Variants in EYA2 observed in about 807,000 individuals in gnomAD.
EYA2 encodes the protein protein phosphatase EYA2.
In EYA2, 31 loss-of-function variants were observed where a neutral mutation model predicts 69.2. The ratio of observed to expected loss-of-function variants is 0.45; its 90% CI spans 0.34 to 0.60. EYA2 has a LOEUF of 0.60. Among genes scored for constraint, EYA2 ranks in the 20% least tolerant of loss-of-function variants. EYA2 has a pLI of 0.02. For synonymous variants in EYA2, 257 were observed against 279.4 expected, an observed-to-expected ratio of 0.92 and a Z score of 0.80; for missense variants, 622 against 701.2, an observed-to-expected ratio of 0.89 and a Z score of 1.28.
intron 4 of EYA2, among the ~76,000 whole-genome samples, chr20:47,014,013 C>T (rs1568724269): frequency 6.6e-6 from 1 of 152,198 alleles, no homozygotes; most frequent in Non-Finnish European, 1.5e-5. Flanking sequence ...TCAATTCCCA[C>T]ATCTTTAAAA....
chr20:47,145,937 G>A (rs1025730672), intron 10 of EYA2, among the ~76,000 whole-genome samples: 2 of 151,880 alleles, frequency 1.3e-5, no homozygotes, highest in African/African-American at 4.8e-5. Context: ...GAAATGTGGA[G>A]GCAGAGAGAC....
chr20:46,988,644 T>C lies in EYA2; in HGVS notation c.-10-1357T>C, dbSNP rs116410068. On this transcript the variant is annotated intron_variant, in intron 1 of 15. Transcript: ENST00000327619. ...CAGACCTTGGAAAATTGCTACGCCA[T>C]GTACAGTGGTGTGTGCGTTAACCAG... Among the ~76,000 whole-genome samples the C allele has an allele frequency of 8.1e-3, 1,232 of 152,350 alleles. 15 individuals carry two copies. Among genetic ancestry groups the C allele is most frequent in the African/African-American group, 0.028 (1,175 of 41,582 alleles).
chr20:47,077,315 C>T (rs925651846), intron 7 of EYA2, among the ~76,000 whole-genome samples: 1 of 152,198 alleles, frequency 6.6e-6, no homozygotes, highest in Non-Finnish European at 1.5e-5. Flanking sequence ...TTCATTCATT[C>T]ATTCCCCAGA....
intron 1 of EYA2, among the ~76,000 whole-genome samples, chr20:46,900,678 G>A (rs574543141): frequency 7.2e-5 from 11 of 152,248 alleles, no homozygotes; most frequent in Non-Finnish European, 1.5e-4. Flanking sequence ...CTCATACTCC[G>A]TTACCAAATA....
chr20:47,150,040 C>G (rs1032149747), intron 10 of EYA2, among the ~76,000 whole-genome samples: 6 of 152,176 alleles, frequency 3.9e-5, no homozygotes, highest in African/African-American at 1.2e-4. Flanking sequence ...AGAAGATGTC[C>G]AGGGGCTGGC....
chr20:46,914,701 G>A (rs1984815279), intron 1 of EYA2, among the ~76,000 whole-genome samples: 1 of 152,148 alleles, frequency 6.6e-6, no homozygotes, highest in Non-Finnish European at 1.5e-5. Flanking sequence ...ACGACACGTG[G>A]GGATTATGGG....
intron 5 of EYA2, among the ~76,000 whole-genome samples, chr20:47,039,059 T>C (rs1045197329): frequency 2.0e-5 from 3 of 152,046 alleles, no homozygotes; most frequent in African/African-American, 7.2e-5. Context: ...AAGAACTGTG[T>C]CCTGTCCCTG....
At chr20:47,070,036 A>T (rs1223318819) in intron 5 of EYA2, among the ~76,000 whole-genome samples, 1 of 152,206 alleles carries the variant, frequency 6.6e-6, no homozygotes, top group African/African-American at 2.4e-5. Flanking sequence ...AATGCATCAA[A>T]GAAAAAAATC....
At chr20:47,037,220 G>A (rs1486979908) in intron 5 of EYA2, among the ~76,000 whole-genome samples, 1 of 152,162 alleles carries the variant, frequency 6.6e-6, no homozygotes, top group African/African-American at 2.4e-5. Flanking sequence ...CCTCCTCCAA[G>A]TCTCTCCCTT....
rs542459494 is a variant in EYA2, at chr20:47,120,931, G to A, written c.889-22128G>A. Among the ~76,000 whole-genome samples the A allele has an allele frequency of 6.6e-5, 10 of 152,336 alleles. 1 individual carries two copies. The South Asian group carries it at 2.1e-3, about 32-fold the overall frequency. ...TGGCCTCATCGAATGGGTTGGAAGT[G>A]TTCCCTCCTCATTAGTTTCTTGAAG... On this transcript the variant is annotated intron_variant, in intron 9 of 15. Coordinates refer to ENST00000327619, the MANE Select transcript of EYA2 (RefSeq NM_005244.5).
chr20:47,185,981 C>T (rs1181382647), intron 15 of EYA2, among the ~76,000 whole-genome samples: 1 of 152,152 alleles, frequency 6.6e-6, no homozygotes, highest in African/African-American at 2.4e-5. Context: ...GGGGCCTTTG[C>T]ACTTGCTGTG....
chr20:47,188,585 A>G lies in EYA2; in HGVS notation c.*452A>G, dbSNP rs1359039713. ...TTTGAACTGGTATGTGGGGTGGTTC[A>G]CAGTTCTAATGTAAGCACTCTATTC... On this transcript the variant is annotated 3_prime_UTR_variant, in exon 16 of 16. Coordinates refer to ENST00000327619, the MANE Select transcript of EYA2 (RefSeq NM_005244.5). 4.7e-6 allele frequency: 2 copies of G among 422,678 alleles called. No homozygotes were observed. The highest frequency in any genetic ancestry group is 6.7e-5 in the East Asian group (2 of 30,026). The allele number at this position is 422,678 out of a possible 1,614,324, so 26.2% of individuals were successfully genotyped here.
At chr20:47,135,624 G>GTA (rs2033445286) in intron 9 of EYA2, among the ~76,000 whole-genome samples, 1 of 151,634 alleles carries the variant, frequency 6.6e-6, no homozygotes, top group Non-Finnish European at 1.5e-5. Flanking sequence ...GGGTTGTACA[G>GTA]CTAATTAGTA....
rs557269425 is a variant in EYA2, at chr20:47,042,115, T to G, written c.415+25818T>G. Among the ~76,000 whole-genome samples, 3 of 152,290 alleles carry G rather than the reference T, an allele frequency of 2.0e-5. No individual in the cohort carries two copies. In the South Asian group the frequency reaches 6.2e-4, roughly 32 times the overall value. ...ATGTTCTCCTTAACCCAGGAATAAT[T>G]AATACTAATGTAATACTCAGTTCCA... On this transcript the variant is annotated intron_variant, in intron 5 of 15. Coordinates refer to ENST00000327619, the MANE Select transcript of EYA2 (RefSeq NM_005244.5).
chr20:46,908,862 C>A (rs1244341825), intron 1 of EYA2, among the ~76,000 whole-genome samples: 1 of 139,222 alleles, frequency 7.2e-6, no homozygotes, highest in Non-Finnish European at 1.5e-5. Context: ...CTAAGCCTCT[C>A]TCCCGCACTT....
chr20:47,057,124 A>G (rs1049581550), intron 5 of EYA2, among the ~76,000 whole-genome samples: 1 of 138,624 alleles, frequency 7.2e-6, no homozygotes, highest in Non-Finnish European at 1.5e-5. Context: ...GGGAAGGAAG[A>G]AGACAGGAAG....
chr20:46,938,260 A>G (rs1030134389), intron 1 of EYA2, among the ~76,000 whole-genome samples: 7 of 152,168 alleles, frequency 4.6e-5, no homozygotes, highest in African/African-American at 1.7e-4. Context: ...CATTTTCTTT[A>G]CCCTTTCCTT....
At chr20:46,933,566 T>C (rs1199461797) in intron 1 of EYA2, among the ~76,000 whole-genome samples, 1 of 152,118 alleles carries the variant, frequency 6.6e-6, no homozygotes, top group African/African-American at 2.4e-5. Context: ...GGTCACTCTG[T>C]TATTGAGGAA....
At chr20:47,070,382 CAAG>C (rs1568758685) in intron 5 of EYA2, among the ~76,000 whole-genome samples, 1 of 152,204 alleles carries the variant, frequency 6.6e-6, no homozygotes, top group Non-Finnish European at 1.5e-5. Context: ...TGGCTGTAAT[CAAG>C]AAGACTGAAA....
Sources: gnomAD v4.1 joint callset for allele counts (sites outside exome capture counted in the v4.1 genomes callset) on GRCh38, gnomAD v4.1.1 for gene constraint, MANE v1.5 for transcripts, NCBI Gene and HGNC (gene_info 2026-07-23, HGNC 2026-07-21) for gene names.